GPATCH2: variants seen among roughly 807,000 people sequenced by gnomAD.
GPATCH2 encodes the protein G patch domain-containing protein 2.
GPATCH2 carries 51 observed loss-of-function variants against 58.0 expected under a neutral mutation model. The ratio of observed to expected loss-of-function variants is 0.88; its 90% CI spans 0.70 to 1.11. The LOEUF is 1.11. GPATCH2 is among the 50% of genes most tolerant of loss of function. The probability of loss-of-function intolerance (pLI) is 0.00; values close to 1 mark genes in which losing one functional copy is unlikely to be tolerated. For synonymous variants in GPATCH2, 222 were observed against 218.5 expected (o/e 1.02, Z -0.14); for missense variants, 625 against 652.2 (o/e 0.96, Z 0.45).
intron 9 of GPATCH2, among the ~76,000 whole-genome samples, chr1:217,437,031 C>G (rs1658868493): frequency 6.6e-6 from 1 of 152,090 alleles, no homozygotes; most frequent in Non-Finnish European, 1.5e-5. Flanking sequence ...GCTGAGGTAC[C>G]TGGTTCATCT....
intron 1 of GPATCH2, among the ~76,000 whole-genome samples, chr1:217,621,239 G>A (rs1407732761): frequency 6.6e-6 from 1 of 152,152 alleles, no homozygotes; most frequent in Non-Finnish European, 1.5e-5. Context: ...AGCATTCTTT[G>A]GGAATTTTTA....
chr1:217,601,626 T>A (rs923463460), intron 5 of GPATCH2, among the ~76,000 whole-genome samples: 23 of 152,072 alleles, frequency 1.5e-4, no homozygotes, highest in African/African-American at 5.6e-4. Context: ...CAATAATGAA[T>A]AATGAACACC....
chr1:217,627,556 G>T (rs1022241289), intron 1 of GPATCH2, among the ~76,000 whole-genome samples: 1 of 151,848 alleles, frequency 6.6e-6, no homozygotes, highest in Admixed American at 6.6e-5. Flanking sequence ...ATCCTTCCCC[G>T]TTAAAACTGG....
At chr1:217,447,461 G>A (rs778016117) in intron 9 of GPATCH2, among the ~76,000 whole-genome samples, 1 of 152,158 alleles carries the variant, frequency 6.6e-6, no homozygotes, top group Non-Finnish European at 1.5e-5. Flanking sequence ...ATCTTAGGTA[G>A]CTAACCTAAC....
intron 5 of GPATCH2, among the ~76,000 whole-genome samples, chr1:217,588,472 G>A (rs578072745): frequency 1.3e-5 from 2 of 152,016 alleles, no homozygotes; most frequent in African/African-American, 2.4e-5. Context: ...TAGAAAGGTC[G>A]AAGTTTCTTT....
intron 8 of GPATCH2, among the ~76,000 whole-genome samples, chr1:217,468,814 G>C (rs867945627): frequency 1.3e-5 from 2 of 151,852 alleles, no homozygotes; most frequent in Admixed American, 1.3e-4. Flanking sequence ...GGATACAGAT[G>C]AAACAGGGTT....
rs1397977047 is a variant in GPATCH2, at chr1:217,430,972, T to C, written c.*173A>G. On this transcript the variant is annotated 3_prime_UTR_variant, in exon 10 of 10. Coordinates refer to ENST00000366935, the MANE Select transcript of GPATCH2 (RefSeq NM_018040.5). Reference sequence around the variant, plus strand: ...GAGGTTTTCATTTTAGCACCATGAATTGTGATGAAATCCCATTTCTCTCAC... The same window carrying C: ...GAGGTTTTCATTTTAGCACCATGAACTGTGATGAAATCCCATTTCTCTCAC... The C allele has an allele frequency of 1.2e-5, 7 of 606,938 alleles. No individual in the cohort carries two copies. In the African/African-American group the frequency reaches 1.3e-4, roughly 11 times the overall value. The allele number at this position is 606,938 out of a possible 1,614,324, so 37.6% of individuals were successfully genotyped here. A position where few individuals can be genotyped will look rare whatever the true frequency, so the allele number is the denominator to read the frequency against.
At chr1:217,435,786 G>A (rs544472858) in intron 9 of GPATCH2, among the ~76,000 whole-genome samples, 1 of 152,186 alleles carries the variant, frequency 6.6e-6, no homozygotes, top group Non-Finnish European at 1.5e-5. Context: ...TCAAAGAACA[G>A]CATTAAGCAC....
chr1:217,458,532 G>C (rs74595082), intron 8 of GPATCH2, among the ~76,000 whole-genome samples: 2 of 152,072 alleles, frequency 1.3e-5, no homozygotes. Flanking sequence ...AAATCGATTC[G>C]AGAGACCTGC....
At chr1:217,483,640 A>G (rs1661317869) in intron 8 of GPATCH2, among the ~76,000 whole-genome samples, 4 of 152,226 alleles carry the variant, frequency 2.6e-5, no homozygotes, top group African/African-American at 9.6e-5. Flanking sequence ...TCCAGAATGT[A>G]ATATAGTACA....
At chr1:217,488,643 TTA>T (rs566656468) in intron 8 of GPATCH2, among the ~76,000 whole-genome samples, 127 of 152,240 alleles carry the variant, frequency 8.3e-4, no homozygotes, top group Non-Finnish European at 1.4e-3. Flanking sequence ...AGTTCTGCTT[TTA>T]ACTGACATGT....
At chr1:217,533,047 T>C (rs1553337555) in intron 5 of GPATCH2, among the ~76,000 whole-genome samples, 2 of 151,414 alleles carry the variant, frequency 1.3e-5, no homozygotes, top group Non-Finnish European at 2.9e-5. Context: ...TACAGATGCA[T>C]AGCACCATGC....
chr1:217,473,444 T>C (rs1660826494), intron 8 of GPATCH2, among the ~76,000 whole-genome samples: 1 of 152,102 alleles, frequency 6.6e-6, no homozygotes, highest in South Asian at 2.1e-4. Context: ...GAATATGCCT[T>C]TATGTATTTA....
At chr1:217,443,441 T>C (rs1246651874) in intron 9 of GPATCH2, among the ~76,000 whole-genome samples, 1 of 152,218 alleles carries the variant, frequency 6.6e-6, no homozygotes, top group African/African-American at 2.4e-5. Context: ...TTTTTTCTCC[T>C]TGGCTGCTCT....
chr1:217,561,969 G>GATTCTCCAATGGAGCAAC (rs1665949976), intron 5 of GPATCH2, among the ~76,000 whole-genome samples: 1 of 152,160 alleles, frequency 6.6e-6, no homozygotes, highest in Non-Finnish European at 1.5e-5. Context: ...TTTCAAGGAA[G>GATTCTCCAATGGAGCAAC]AATATCTCTC....
chr1:217,552,970 A>G (rs1665434685), intron 5 of GPATCH2, among the ~76,000 whole-genome samples: 3 of 152,146 alleles, frequency 2.0e-5, no homozygotes, highest in Admixed American at 2.0e-4. Flanking sequence ...GAATTATATA[A>G]TTATTGGTTT....
At chr1:217,629,621 G>A (rs1321490132) in intron 1 of GPATCH2, among the ~76,000 whole-genome samples, 2 of 152,114 alleles carry the variant, frequency 1.3e-5, no homozygotes, top group African/African-American at 4.8e-5. Flanking sequence ...GGAACTGTGG[G>A]GTGATGGACA....
chr1:217,487,369 A>C lies in GPATCH2; in HGVS notation c.1277+4311T>G, dbSNP rs144706209. ...CAATTACCATCTAATTGCAATCCACATGTCTTGATATTAATATAGTTGCTT... is the reference window on the plus strand; with the variant it reads ...CAATTACCATCTAATTGCAATCCACCTGTCTTGATATTAATATAGTTGCTT... On this transcript the variant is annotated intron_variant, in intron 8 of 9. Coordinates refer to ENST00000366935, the MANE Select transcript of GPATCH2 (RefSeq NM_018040.5). 5.3e-3 allele frequency among the ~76,000 whole-genome samples: 808 copies of C among 151,718 alleles called. 10 individuals are homozygous for C. The highest frequency in any genetic ancestry group is 0.016 in the African/African-American group (671 of 41,368).
At chr1:217,466,982 G>A (rs1264024832) in intron 8 of GPATCH2, among the ~76,000 whole-genome samples, 1 of 152,166 alleles carries the variant, frequency 6.6e-6, no homozygotes, top group Non-Finnish European at 1.5e-5. Context: ...AGACCATCCT[G>A]GCCAACATGG....
Sources: allele counts gnomAD v4.1 joint callset (sites outside exome capture counted in the v4.1 genomes callset), GRCh38; gene constraint gnomAD v4.1.1; transcripts MANE v1.5; gene names NCBI Gene and HGNC (gene_info 2026-07-23, HGNC 2026-07-21).